The following DPP10 variants were observed in gnomAD, a reference collection of about 807,000 sequenced individuals.
DPP10 encodes the protein dipeptidyl peptidase like 10, also known as inactive dipeptidyl peptidase 10.
Under a neutral mutation model 120.9 loss-of-function variants are expected in DPP10, and 33 were observed. That is an observed-to-expected ratio of 0.27 (90% CI 0.21 to 0.37). DPP10 has a LOEUF of 0.37. Ranked by LOEUF, DPP10 falls within the 10% of genes least tolerant of loss-of-function variation. DPP10 has a pLI of 1.00. For synonymous variants in DPP10, 337 were observed against 326.1 expected, an observed-to-expected ratio of 1.03 and a Z score of -0.36; for missense variants, 816 against 942.8, an observed-to-expected ratio of 0.87 and a Z score of 1.76.
chr2:114,798,929 G>C (rs1683948012), intron 1 of DPP10, among the ~76,000 whole-genome samples: 1 of 152,140 alleles, frequency 6.6e-6, no homozygotes, highest in African/African-American at 2.4e-5. Flanking sequence ...AGGAGTTTGA[G>C]ACCAGCCTGG....
chr2:115,102,607 C>A (rs1051219845), intron 1 of DPP10, among the ~76,000 whole-genome samples: 27 of 151,908 alleles, frequency 1.8e-4, no homozygotes, highest in African/African-American at 6.5e-4. Context: ...GACGAGGTTT[C>A]ACCATATTGG....
chr2:114,486,144 G>A (rs571954883), intron 1 of DPP10, among the ~76,000 whole-genome samples: 9 of 152,252 alleles, frequency 5.9e-5, no homozygotes, highest in South Asian at 4.1e-4. Context: ...ATTCAACGCT[G>A]TAGTACTGCC....
chr2:114,501,562 C>T lies in DPP10; in HGVS notation c.60+58724C>T, dbSNP rs115510606. The stretch of plus-strand genomic sequence containing the variant: ...CAAGCGATCTCCTAGTCTAGAGAGG[C>T]GGAGGAGTAACTTGAAGGTGAAATA... On this transcript the variant is annotated intron_variant, in intron 1 of 25. Coordinates refer to ENST00000410059, the MANE Select transcript of DPP10 (RefSeq NM_020868.6). Among the ~76,000 whole-genome samples, 675 of 152,250 alleles carry T rather than the reference C, an allele frequency of 4.4e-3. 2 individuals carry two copies. The highest frequency in any genetic ancestry group is 0.017 in the Middle Eastern group (5 of 294).
chr2:115,782,462 A>G (rs1346305302), intron 17 of DPP10, 63 bp downstream of exon 17: 1 of 1,454,670 alleles, frequency 6.9e-7, no homozygotes, highest in Non-Finnish European at 9.6e-7. Flanking sequence ...ACATCGTGTT[A>G]TCTATTCTGA....
In DPP10 at chr2:115,827,343, A is replaced by ATGTATATGTATATG. The variant is rs368090225; in HGVS notation, c.1951-8813_1951-8812insGTATATGTATATGT. On this transcript the variant is annotated intron_variant, in intron 21 of 25. Transcript: ENST00000410059. ...CATGTATATGTATATGTATATGTAT[A>ATGTATATGTATATG]TATATGTACATATATATGAAGTGGG... 6.3e-5 allele frequency among the ~76,000 whole-genome samples: 6 copies of ATGTATATGTATATG among 95,192 alleles called. No individual in the cohort carries two copies. In the Admixed American group the frequency reaches 6.7e-4, roughly 11 times the overall value. 62.4% of individuals were successfully genotyped at this position (95,192 alleles called of 152,430 possible).
rs535040872 is a variant in DPP10, at chr2:115,760,666, C to T, written c.1075-1906C>T. Among the ~76,000 whole-genome samples, 30 of 152,290 alleles carry T rather than the reference C, an allele frequency of 2.0e-4. No individual in the cohort carries two copies. In the South Asian group the frequency reaches 4.1e-3, roughly 21 times the overall value. On this transcript the variant is annotated intron_variant, in intron 11 of 25. Transcript: ENST00000410059. ...AGATAGTTAAATCAACCACTTGATGCTCTTCTCATTAAGCTTGTATTACTA... is the reference window on the plus strand; with the variant it reads ...AGATAGTTAAATCAACCACTTGATGTTCTTCTCATTAAGCTTGTATTACTA...
At chr2:114,939,404 C>G (rs35894488) in intron 1 of DPP10, among the ~76,000 whole-genome samples, 5 of 151,790 alleles carry the variant, frequency 3.3e-5, no homozygotes, top group African/African-American at 1.2e-4. Flanking sequence ...TTTTTAAATT[C>G]TTTTTTCCTC....
chr2:114,717,589 G>A (rs1701432784), intron 1 of DPP10, among the ~76,000 whole-genome samples: 1 of 152,114 alleles, frequency 6.6e-6, no homozygotes, highest in Admixed American at 6.6e-5. Context: ...TAATGTATAA[G>A]GTTTGCTAGA....
At chr2:115,145,907 T>C (rs2051196723) in intron 1 of DPP10, among the ~76,000 whole-genome samples, 1 of 152,128 alleles carries the variant, frequency 6.6e-6, no homozygotes, top group Non-Finnish European at 1.5e-5. Flanking sequence ...CATATACTAT[T>C]GAGAATACCC....
At chr2:115,416,697 T>G (rs1487007841) in intron 3 of DPP10, among the ~76,000 whole-genome samples, 1 of 152,140 alleles carries the variant, frequency 6.6e-6, no homozygotes, top group Non-Finnish European at 1.5e-5. Context: ...AAATCACAAT[T>G]TATTTGTGCA....
intron 1 of DPP10, among the ~76,000 whole-genome samples, chr2:115,053,064 T>A (rs977748356): frequency 2.0e-5 from 3 of 151,786 alleles, no homozygotes; most frequent in Admixed American, 6.6e-5. Context: ...TGGAAAACAA[T>A]TAGGCAGTTC....
At chr2:115,015,894 G>A (rs1235631468) in intron 1 of DPP10, among the ~76,000 whole-genome samples, 1 of 152,138 alleles carries the variant, frequency 6.6e-6, no homozygotes, top group African/African-American at 2.4e-5. Context: ...TGGATAGGAA[G>A]GGCCAATATT....
intron 1 of DPP10, among the ~76,000 whole-genome samples, chr2:114,632,502 G>GGTTT: frequency 7.3e-6 from 1 of 136,406 alleles, no homozygotes; most frequent in Non-Finnish European, 1.6e-5. Context: ...ATGGACTTAG[G>GGTTT]GTTTTTTTTT....
At chr2:115,230,591 G>A (rs1490769654) in intron 1 of DPP10, among the ~76,000 whole-genome samples, 3 of 151,818 alleles carry the variant, frequency 2.0e-5, no homozygotes, top group Admixed American at 6.6e-5. Flanking sequence ...TAATTGAAGA[G>A]CTTTTTATTT....
At chr2:115,525,083 G>A (rs932521135) in intron 4 of DPP10, among the ~76,000 whole-genome samples, 1 of 152,084 alleles carries the variant, frequency 6.6e-6, no homozygotes, top group Non-Finnish European at 1.5e-5. Flanking sequence ...GTTTATGCAC[G>A]TATTTCTCTG....
At chr2:115,162,405 G>C (rs977580995) in intron 1 of DPP10, 143 of 1,269,658 alleles carry the variant, frequency 1.1e-4, no homozygotes, top group Non-Finnish European at 1.3e-4. Flanking sequence ...CGCTCCTGAC[G>C]GCCGCTCACC....
chr2:114,703,528 G>A (rs898916779), intron 1 of DPP10, among the ~76,000 whole-genome samples: 3 of 152,168 alleles, frequency 2.0e-5, no homozygotes, highest in Non-Finnish European at 4.4e-5. Context: ...AAATGGAAGT[G>A]AAAAGGTCAA....
At chr2:114,854,227 ATATTTGTAAAGCATTAGAAAAG>A in intron 1 of DPP10, among the ~76,000 whole-genome samples, 1 of 152,324 alleles carries the variant, frequency 6.6e-6, no homozygotes, top group Admixed American at 6.5e-5. Flanking sequence ...TAGAAGAGAT[ATATTTGTAAAGCATTAGAAAAG>A]TTTTAATACG....
chr2:115,409,682 C>A (rs1037781700), intron 3 of DPP10, among the ~76,000 whole-genome samples: 1 of 152,048 alleles, frequency 6.6e-6, no homozygotes, highest in Non-Finnish European at 1.5e-5. Flanking sequence ...GAGGAAAAAC[C>A]GTCATTAAAT....
Sources: allele counts gnomAD v4.1 joint callset (sites outside exome capture counted in the v4.1 genomes callset), GRCh38; gene constraint gnomAD v4.1.1; transcripts MANE v1.5; gene names NCBI Gene and HGNC (gene_info 2026-07-23, HGNC 2026-07-21).